Variants in FRMD4A observed in about 807,000 individuals in gnomAD.
The protein encoded by FRMD4A is FERM domain-containing protein 4A.
FRMD4A carries 29 observed loss-of-function variants against 129.1 expected under a neutral mutation model. The ratio of observed to expected loss-of-function variants is 0.22; its 90% confidence interval spans 0.17 to 0.31. FRMD4A has a LOEUF of 0.31. Among genes scored for constraint, FRMD4A ranks in the 10% least tolerant of loss-of-function variants. FRMD4A has a pLI of 1.00. For missense variants in FRMD4A, 1,272 were observed against 1,375.8 expected (o/e 0.92, Z 1.19); for synonymous variants, 634 against 571.6 (o/e 1.11, Z -1.56).
intron 4 of FRMD4A, among the ~76,000 whole-genome samples, chr10:13,804,688 G>T (rs1298718082): frequency 2.0e-5 from 3 of 151,576 alleles, no homozygotes; most frequent in Non-Finnish European, 4.4e-5. Context: ...GGGATTACAG[G>T]TGGCTGCCAC....
rs188457357 is a variant in FRMD4A, at chr10:14,123,729, G to C, written c.45+206329C>G. On this transcript the variant is annotated intron_variant, in intron 2 of 24. Transcript: ENST00000357447. ...TGCTTTGACTCCTGTTCCTGGGAGA[G>C]GCCACAGAACTGTTCTGGAGCTGAA... 2.2e-4 allele frequency among the ~76,000 whole-genome samples: 34 copies of C among 152,322 alleles called. 1 individual carries two copies. The highest frequency in any genetic ancestry group is 2.1e-3 in the Admixed American group (32 of 15,302).
chr10:14,060,358 G>C (rs1304767923), intron 2 of FRMD4A, among the ~76,000 whole-genome samples: 3 of 152,178 alleles, frequency 2.0e-5, no homozygotes, highest in South Asian at 4.1e-4. Context: ...CATCCTTGTA[G>C]GGGATATCAA....
chr10:13,873,184 AT>A (rs56747694), intron 2 of FRMD4A, among the ~76,000 whole-genome samples: 8,954 of 21,636 alleles, frequency 0.41, 766 homozygotes, highest in African/African-American at 0.47. Context: ...CTCAAAAAAA[AT>A]AAAATAAAAT....
chr10:14,122,776 A>G (rs150080997), intron 2 of FRMD4A, among the ~76,000 whole-genome samples: 19 of 152,298 alleles, frequency 1.2e-4, no homozygotes, highest in Middle Eastern at 3.4e-3. Context: ...AACTGAACAC[A>G]GGATTTGGGT....
At chr10:14,056,461 C>T (rs888764479) in intron 2 of FRMD4A, among the ~76,000 whole-genome samples, 3 of 151,900 alleles carry the variant, frequency 2.0e-5, no homozygotes, top group East Asian at 1.9e-4. Flanking sequence ...TCTGTCCCAG[C>T]GAATGACTTC....
chr10:13,765,111 T>G (rs988499139), intron 6 of FRMD4A, among the ~76,000 whole-genome samples: 57 of 142,576 alleles, frequency 4.0e-4, no homozygotes, highest in Admixed American at 2.2e-3. Flanking sequence ...ATTTTTTTTT[T>G]TTGTTTTTTT....
chr10:14,232,106 A>G (rs1183218639), intron 2 of FRMD4A, among the ~76,000 whole-genome samples: 1 of 152,122 alleles, frequency 6.6e-6, no homozygotes, highest in East Asian at 1.9e-4. Flanking sequence ...TGATTTTTGT[A>G]TATGGAGAAA....
intron 2 of FRMD4A, among the ~76,000 whole-genome samples, chr10:14,325,368 C>T (rs1333778567): frequency 5.3e-5 from 8 of 152,182 alleles, no homozygotes; most frequent in Admixed American, 4.6e-4. Flanking sequence ...TCTTGCAACC[C>T]TTTGTCACCT....
chr10:14,273,347 A>G (rs1201608615), intron 2 of FRMD4A, among the ~76,000 whole-genome samples: 1 of 152,202 alleles, frequency 6.6e-6, no homozygotes, highest in African/African-American at 2.4e-5. Context: ...TTACATGGCC[A>G]GATTTAGAAA....
intron 2 of FRMD4A, among the ~76,000 whole-genome samples, chr10:14,158,128 T>TG (rs1457874121): frequency 6.7e-6 from 1 of 150,086 alleles, no homozygotes; most frequent in Non-Finnish European, 1.5e-5. Flanking sequence ...CATATAAAGG[T>TG]GGGGGGTGGG....
At chr10:14,010,792 G>A (rs1393766745) in intron 2 of FRMD4A, among the ~76,000 whole-genome samples, 1 of 149,826 alleles carries the variant, frequency 6.7e-6, no homozygotes, top group African/African-American at 2.4e-5. Context: ...TTACAGGCAT[G>A]AGCCACCATG....
At chr10:13,740,823 GTTTGTTT>G (rs2090950173) in intron 9 of FRMD4A, among the ~76,000 whole-genome samples, 1 of 105,108 alleles carries the variant, frequency 9.5e-6, no homozygotes, top group East Asian at 3.0e-4. Flanking sequence ...TGTCTTGGAT[GTTTGTTT>G]TTTTTTTTTT....
chr10:14,171,014 G>GTTTTTT (rs60013417), intron 2 of FRMD4A, among the ~76,000 whole-genome samples: 1 of 147,774 alleles, frequency 6.8e-6, no homozygotes, highest in Non-Finnish European at 1.5e-5. Flanking sequence ...TACGAGGGGA[G>GTTTTTT]TTTTTTTTTT....
chr10:13,919,474 G>A (rs182211002), intron 2 of FRMD4A, among the ~76,000 whole-genome samples: 2 of 152,218 alleles, frequency 1.3e-5, no homozygotes, highest in Admixed American at 1.3e-4. Flanking sequence ...ACTTAAGAGT[G>A]TAGAAAATGC....
intron 19 of FRMD4A, 30 bp downstream of exon 19, chr10:13,663,423 G>A: frequency 5.8e-6 from 7 of 1,199,820 alleles, no homozygotes; most frequent in Non-Finnish European, 8.7e-6. Flanking sequence ...CTGAGCTGTA[G>A]GTTTGTAAGC....
At chr10:13,890,184 G>C (rs1354641499) in intron 2 of FRMD4A, among the ~76,000 whole-genome samples, 2 of 152,200 alleles carry the variant, frequency 1.3e-5, no homozygotes, top group African/African-American at 4.8e-5. Context: ...CATAAATGGG[G>C]CTTAATGCTA....
At chr10:13,974,784 C>T (rs1324662225) in intron 2 of FRMD4A, among the ~76,000 whole-genome samples, 1 of 152,154 alleles carries the variant, frequency 6.6e-6, no homozygotes, top group East Asian at 1.9e-4. Flanking sequence ...GCCTCGCTCT[C>T]CCAAAGTGCT....
At chr10:14,159,459 G>T (rs1303086901) in intron 2 of FRMD4A, among the ~76,000 whole-genome samples, 1 of 152,132 alleles carries the variant, frequency 6.6e-6, no homozygotes, top group African/African-American at 2.4e-5. Flanking sequence ...GCTGATGAAA[G>T]AAACTGAAGA....
intron 2 of FRMD4A, among the ~76,000 whole-genome samples, chr10:14,203,966 A>G (rs548459830): frequency 2.0e-5 from 3 of 152,372 alleles, no homozygotes; most frequent in African/African-American, 7.2e-5. Context: ...GTCAGTAACA[A>G]GAGCCCAGGA....
Sources: gnomAD v4.1 joint callset for allele counts (sites outside exome capture counted in the v4.1 genomes callset) on GRCh38, gnomAD v4.1.1 for gene constraint, MANE v1.5 for transcripts, NCBI Gene and HGNC (gene_info 2026-07-23, HGNC 2026-07-21) for gene names.